Variants in NDFIP1 observed in about 807,000 individuals in gnomAD.
The protein encoded by NDFIP1 is NEDD4 family-interacting protein 1.
NDFIP1 carries 7 observed loss-of-function variants against 28.8 expected under a neutral mutation model. That is an observed-to-expected ratio of 0.24 (90% confidence interval 0.14 to 0.46). The LOEUF is 0.46. Ranked by LOEUF, NDFIP1 falls within the 20% of genes least tolerant of loss-of-function variation. The probability of loss-of-function intolerance (pLI) is 0.99; values close to 1 mark genes in which losing one functional copy is unlikely to be tolerated. For synonymous variants in NDFIP1, 92 were observed against 101.0 expected, an observed-to-expected ratio of 0.91 and a Z score of 0.53; for missense variants, 194 against 269.1, an observed-to-expected ratio of 0.72 and a Z score of 1.95.
chr5:142,131,744 T>C, intron 1 of NDFIP1, 64 bp from the exon 2 acceptor site: 1 of 1,294,576 alleles, frequency 7.7e-7, no homozygotes, highest in East Asian at 2.6e-5. Flanking sequence ...TTTATTTCAG[T>C]TTTTGGGTTC....
chr5:142,134,337 T>C (rs1757253853), intron 3 of NDFIP1, among the ~76,000 whole-genome samples: 1 of 152,228 alleles, frequency 6.6e-6, no homozygotes, highest in Admixed American at 6.5e-5. Flanking sequence ...TTGGAGTATA[T>C]CTTTGAATAG....
intron 4 of NDFIP1, among the ~76,000 whole-genome samples, chr5:142,136,095 G>A (rs557575053): frequency 3.3e-5 from 5 of 152,164 alleles, no homozygotes; most frequent in South Asian, 2.1e-4. Context: ...CCAGGTCTAC[G>A]GGGCCCTTTT....
chr5:142,151,733 G>A lies in NDFIP1; in HGVS notation c.*5G>A, dbSNP rs2126925765. 1 of 152,816 alleles carries A rather than the reference G, an allele frequency of 6.5e-6. No homozygotes were observed. Among genetic ancestry groups the A allele is most frequent in the South Asian group, 2.1e-4 (1 of 4,824 alleles). 9.5% of individuals were successfully genotyped at this position (152,816 alleles called of 1,614,324 possible). ...TATTCAATATCCTTCTCTGGCAGAT[G>A]TTTTCTGGCAAAGGCCTTCCTGCAT... is the stretch of plus-strand genomic sequence containing the variant. On this transcript the variant is annotated splice_region_variant and 3_prime_UTR_variant, in exon 8 of 8. Coordinates refer to ENST00000253814, the MANE Select transcript of NDFIP1 (RefSeq NM_030571.4).
intron 3 of NDFIP1, 37 bp from the exon 4 acceptor site, chr5:142,135,693 C>A (rs1402045728): frequency 4.5e-6 from 7 of 1,565,818 alleles, no homozygotes; most frequent in Non-Finnish European, 6.2e-6. Flanking sequence ...TTATGTCTTC[C>A]CTTTGCCTAG....
At chr5:142,146,035 GA>G (rs1757385232) in intron 7 of NDFIP1, among the ~76,000 whole-genome samples, 2 of 152,126 alleles carry the variant, frequency 1.3e-5, no homozygotes, top group South Asian at 4.1e-4. Flanking sequence ...CATATAATGA[GA>G]CCCTCTTGAA....
intron 1 of NDFIP1, among the ~76,000 whole-genome samples, chr5:142,117,813 C>G (rs1291309414): frequency 6.6e-6 from 1 of 151,386 alleles, no homozygotes; most frequent in Non-Finnish European, 1.5e-5. Flanking sequence ...CTGCAACCCT[C>G]CATCTTCAGG....
chr5:142,136,462 A>G (rs1561602740), intron 4 of NDFIP1, among the ~76,000 whole-genome samples: 1 of 152,224 alleles, frequency 6.6e-6, no homozygotes, highest in Non-Finnish European at 1.5e-5. Flanking sequence ...CACAGTAAAA[A>G]GCAGAGGTCA....
At chr5:142,112,738 A>G (rs1185455518) in intron 1 of NDFIP1, among the ~76,000 whole-genome samples, 1 of 150,646 alleles carries the variant, frequency 6.6e-6, no homozygotes, top group Admixed American at 6.7e-5. Context: ...GTGAGCCGAG[A>G]TCGCGCCACT....
At chr5:142,131,724 A>G in intron 1 of NDFIP1, 84 bp from the exon 2 acceptor site, 1 of 1,040,996 alleles carries the variant, frequency 9.6e-7, no homozygotes, top group Non-Finnish European at 1.4e-6. Context: ...ATAGCTTTCG[A>G]GAAAGGCTAT....
At chr5:142,147,361 A>G (rs1391277232) in intron 7 of NDFIP1, among the ~76,000 whole-genome samples, 3 of 152,176 alleles carry the variant, frequency 2.0e-5, no homozygotes, top group African/African-American at 7.2e-5. Flanking sequence ...TTCAGAGGAC[A>G]TTTAGTTTAA....
chr5:142,151,466 G>C (rs1757445771), intron 7 of NDFIP1, among the ~76,000 whole-genome samples: 1 of 152,206 alleles, frequency 6.6e-6, no homozygotes, highest in African/African-American at 2.4e-5. Flanking sequence ...CTTTTGTTAA[G>C]AGGTTTGGAA....
At chr5:142,117,960 C>T (rs1343569002) in intron 1 of NDFIP1, among the ~76,000 whole-genome samples, 1 of 152,122 alleles carries the variant, frequency 6.6e-6, no homozygotes, top group Non-Finnish European at 1.5e-5. Flanking sequence ...CGTCAAACTC[C>T]TTGGCTCAAG....
chr5:142,114,166 C>T (rs779872988), intron 1 of NDFIP1, among the ~76,000 whole-genome samples: 1 of 152,164 alleles, frequency 6.6e-6, no homozygotes, highest in Non-Finnish European at 1.5e-5. Context: ...TTTATTTTCC[C>T]ACCAACAATG....
At chr5:142,140,520 G>T in intron 5 of NDFIP1, 43 bp from the exon 6 acceptor site, 5 of 1,433,716 alleles carry the variant, frequency 3.5e-6, no homozygotes, top group South Asian at 1.2e-5. Flanking sequence ...ATGAGAAATT[G>T]TGTCTGTTAA....
At chr5:142,128,956 G>A (rs1757198509) in intron 1 of NDFIP1, among the ~76,000 whole-genome samples, 1 of 152,104 alleles carries the variant, frequency 6.6e-6, no homozygotes, top group African/African-American at 2.4e-5. Context: ...TATAAATATT[G>A]TCATAGAAGA....
chr5:142,125,480 A>G (rs1013551067), intron 1 of NDFIP1, among the ~76,000 whole-genome samples: 2 of 152,140 alleles, frequency 1.3e-5, no homozygotes, highest in Admixed American at 6.5e-5. Context: ...CTCCTGTCTC[A>G]GCGTCTTGAG....
intron 1 of NDFIP1, among the ~76,000 whole-genome samples, chr5:142,127,490 A>G (rs950332938): frequency 6.6e-6 from 1 of 152,150 alleles, no homozygotes; most frequent in African/African-American, 2.4e-5. Flanking sequence ...GAAAAGAGTA[A>G]TGGCACACTC....
At chr5:142,135,869 A>G (rs781361401) in intron 4 of NDFIP1, 52 bp downstream of exon 4, 23 of 1,264,442 alleles carry the variant, frequency 1.8e-5, no homozygotes, top group Admixed American at 5.2e-5. Context: ...AGTGCTTTGG[A>G]TTATGGGTGA....
chr5:142,139,088 C>T (rs6881942), intron 5 of NDFIP1, among the ~76,000 whole-genome samples: 87,841 of 151,580 alleles, frequency 0.58, 25,486 homozygotes, highest in Middle Eastern at 0.62. Context: ...GACATGGTAG[C>T]GGGGGCCTGT....
Sources: allele counts gnomAD v4.1 joint callset (sites outside exome capture counted in the v4.1 genomes callset), GRCh38; gene constraint gnomAD v4.1.1; transcripts MANE v1.5; gene names NCBI Gene and HGNC (gene_info 2026-07-23, HGNC 2026-07-21).